Variants in DNM3 observed in about 807,000 individuals in gnomAD.
The protein encoded by DNM3 is dynamin 3.
Under a neutral mutation model 101.6 loss-of-function variants are expected in DNM3, and 47 were observed. That is an observed-to-expected ratio of 0.46 (90% CI 0.37 to 0.59). DNM3 has a LOEUF of 0.59. Among genes scored for constraint, DNM3 ranks in the 20% least tolerant of loss-of-function variants. The pLI, the probability that DNM3 is intolerant of heterozygous loss-of-function variation, is 0.00. For missense variants in DNM3, 849 were observed against 1,085.7 expected (o/e 0.78, Z 3.06); for synonymous variants, 385 against 387.9 (o/e 0.99, Z 0.09).
At chr1:171,944,325 A>T (rs1343569188) in intron 2 of DNM3, among the ~76,000 whole-genome samples, 4 of 151,766 alleles carry the variant, frequency 2.6e-5, no homozygotes, top group African/African-American at 9.7e-5. Context: ...ATATTTTGCC[A>T]ACTTTTAAAC....
chr1:171,930,150 C>T (rs1248626640), intron 2 of DNM3, among the ~76,000 whole-genome samples: 2 of 152,042 alleles, frequency 1.3e-5, no homozygotes, highest in Non-Finnish European at 2.9e-5. Context: ...GCTGGGAGAT[C>T]CCTTCTGCCC....
intron 1 of DNM3, among the ~76,000 whole-genome samples, chr1:171,875,160 T>A (rs1490453560): frequency 6.6e-6 from 1 of 152,194 alleles, no homozygotes; most frequent in Non-Finnish European, 1.5e-5. Context: ...GGTAGAGCAA[T>A]TTATTTTCCT....
chr1:172,148,842 C>G lies in DNM3; in HGVS notation c.1659+17554C>G, dbSNP rs1245199426. Among the ~76,000 whole-genome samples the G allele has an allele frequency of 3.9e-5, 6 of 152,060 alleles. No homozygotes were observed. In the East Asian group the frequency reaches 1.2e-3, roughly 29 times the overall value. ...CTGCATTTCCTATTTTGTTAGGGCT[C>G]AAAGGAATAGATATGTTGTAGCAGA... On this transcript the variant is annotated intron_variant, in intron 14 of 20. Transcript: ENST00000627582.
chr1:172,337,352 G>A (rs748124803), intron 17 of DNM3, among the ~76,000 whole-genome samples: 4 of 152,080 alleles, frequency 2.6e-5, no homozygotes, highest in South Asian at 2.1e-4. Flanking sequence ...CATCTCAGTC[G>A]TTCTCTGCTG....
At chr1:171,965,923 A>G (rs1469871119) in intron 2 of DNM3, among the ~76,000 whole-genome samples, 1 of 152,084 alleles carries the variant, frequency 6.6e-6, no homozygotes, top group African/African-American at 2.4e-5. Context: ...TCCCCCCATT[A>G]GCGTAAACTT....
At chr1:172,104,067 T>G (rs2054840605) in intron 13 of DNM3, among the ~76,000 whole-genome samples, 1 of 152,238 alleles carries the variant, frequency 6.6e-6, no homozygotes. Flanking sequence ...TCCTATGAAA[T>G]GTCTGATGTG....
intron 13 of DNM3, among the ~76,000 whole-genome samples, chr1:172,117,027 G>A (rs563287890): frequency 6.6e-6 from 1 of 152,176 alleles, no homozygotes; most frequent in African/African-American, 2.4e-5. Context: ...CCAACATGGA[G>A]AAACCCTGTC....
At chr1:172,096,615 A>G (rs2054264326) in intron 13 of DNM3, among the ~76,000 whole-genome samples, 1 of 152,248 alleles carries the variant, frequency 6.6e-6, no homozygotes, top group Non-Finnish European at 1.5e-5. Context: ...TCACAGAGAA[A>G]GGAGCATAGT....
intron 2 of DNM3, among the ~76,000 whole-genome samples, chr1:171,983,816 A>C (rs2045021140): frequency 6.6e-6 from 1 of 152,160 alleles, no homozygotes; most frequent in South Asian, 2.1e-4. Context: ...ACCTATCCAA[A>C]GACTGAATAT....
At chr1:172,228,071 C>G (rs1254513786) in intron 14 of DNM3, among the ~76,000 whole-genome samples, 2 of 151,818 alleles carry the variant, frequency 1.3e-5, no homozygotes, top group Non-Finnish European at 2.9e-5. Flanking sequence ...TGGCTATTAA[C>G]TTTTATTCAT....
chr1:172,112,078 C>A (rs1438407928), intron 13 of DNM3, among the ~76,000 whole-genome samples: 1 of 152,122 alleles, frequency 6.6e-6, no homozygotes, highest in African/African-American at 2.4e-5. Context: ...TTATATCAGG[C>A]AGTGTGTTAG....
chr1:172,173,845 G>A (rs1472005592), intron 14 of DNM3, among the ~76,000 whole-genome samples: 2 of 151,580 alleles, frequency 1.3e-5, no homozygotes, highest in African/African-American at 4.8e-5. Flanking sequence ...TGAACATAAA[G>A]CATATTCATC....
chr1:172,070,104 T>C (rs2052038569), intron 11 of DNM3, among the ~76,000 whole-genome samples: 1 of 152,152 alleles, frequency 6.6e-6, no homozygotes, highest in Non-Finnish European at 1.5e-5. Flanking sequence ...GTCACTACTT[T>C]TTATCATTGT....
At chr1:171,933,271 G>A (rs987357482) in intron 2 of DNM3, among the ~76,000 whole-genome samples, 3 of 152,296 alleles carry the variant, frequency 2.0e-5, no homozygotes, top group South Asian at 2.1e-4. Context: ...GGAAAGAAGC[G>A]ATCTGGGGTG....
intron 14 of DNM3, chr1:172,140,311 A>G (rs1220169012): frequency 6.6e-6 from 1 of 151,856 alleles, no homozygotes; most frequent in Non-Finnish European, 1.5e-5. Context: ...ACTTTCGAGT[A>G]AAGGAACTTT....
At chr1:172,127,385 C>CTCATTA (rs2056691463) in intron 13 of DNM3, among the ~76,000 whole-genome samples, 3 of 137,676 alleles carry the variant, frequency 2.2e-5, no homozygotes, top group Non-Finnish European at 4.7e-5. Flanking sequence ...TTACTCTCTA[C>CTCATTA]TTATTATTAT....
chr1:172,065,761 T>G (rs997823663), intron 10 of DNM3, among the ~76,000 whole-genome samples: 1 of 152,132 alleles, frequency 6.6e-6, no homozygotes, highest in Non-Finnish European at 1.5e-5. Flanking sequence ...GTTTCTATGG[T>G]TTTATGATGT....
At chr1:172,308,150 T>C (rs1022738919) in intron 15 of DNM3, among the ~76,000 whole-genome samples, 1 of 152,232 alleles carries the variant, frequency 6.6e-6, no homozygotes, top group Non-Finnish European at 1.5e-5. Context: ...TATTGCATTT[T>C]ATGTAATATC....
chr1:172,104,585 A>G (rs2054881028), intron 13 of DNM3, among the ~76,000 whole-genome samples: 1 of 152,152 alleles, frequency 6.6e-6, no homozygotes, highest in Non-Finnish European at 1.5e-5. Flanking sequence ...ATTTATTAAC[A>G]ATTTTTTAAC....
Sources: allele counts gnomAD v4.1 joint callset (sites outside exome capture counted in the v4.1 genomes callset), GRCh38; gene constraint gnomAD v4.1.1; transcripts MANE v1.5; gene names NCBI Gene and HGNC (gene_info 2026-07-23, HGNC 2026-07-21).